The following C13orf42 variants were observed in gnomAD, a reference collection of about 807,000 sequenced individuals.
C13orf42 encodes the protein uncharacterized protein C13orf42.
At chr13:51,141,163 C>T (rs1399589681) in intron 1 of C13orf42, among the ~76,000 whole-genome samples, 1 of 123,014 alleles carries the variant, frequency 8.1e-6, no homozygotes, top group Non-Finnish European at 1.7e-5. Flanking sequence ...TTTAAAAGGC[C>T]TTTGTATTTT....
chr13:51,137,425 G>A (rs533924477), intron 1 of C13orf42, among the ~76,000 whole-genome samples: 1 of 152,228 alleles, frequency 6.6e-6, no homozygotes, highest in African/African-American at 2.4e-5. Context: ...GCTGTGATGA[G>A]GCCACTGGGA....
At chr13:51,163,627 C>T (rs565423938) in intron 1 of C13orf42, among the ~76,000 whole-genome samples, 269 of 152,248 alleles carry the variant, frequency 1.8e-3, no homozygotes, top group African/African-American at 5.7e-3. Context: ...GGGCCTCAAT[C>T]CCCTGTATGA....
At chr13:51,135,461 G>A (rs1953650468) in intron 1 of C13orf42, among the ~76,000 whole-genome samples, 1 of 151,924 alleles carries the variant, frequency 6.6e-6, no homozygotes, top group African/African-American at 2.4e-5. Flanking sequence ...GACCAGCCTG[G>A]GCAACACAGA....
chr13:51,092,360 A>T (rs1953188726), intron 1 of C13orf42, among the ~76,000 whole-genome samples: 1 of 152,216 alleles, frequency 6.6e-6, no homozygotes, highest in Non-Finnish European at 1.5e-5. Context: ...TCTTTTGAAT[A>T]GGATTTATTC....
intron 1 of C13orf42, among the ~76,000 whole-genome samples, chr13:51,088,699 TA>T (rs1379106987): frequency 6.6e-6 from 1 of 152,148 alleles, no homozygotes; most frequent in Non-Finnish European, 1.5e-5. Flanking sequence ...AAATTAAAAA[TA>T]AAAATTTTTT....
Position 51,155,967 on chromosome 13 carries a change from T to G in C13orf42, n.136+16286A>C, listed in dbSNP as rs950476639. Among the ~76,000 whole-genome samples, 5 of 152,318 alleles carry G rather than the reference T, an allele frequency of 3.3e-5. No individual in the cohort carries two copies. The East Asian group carries it at 9.7e-4, about 29-fold the overall frequency. ...CTGGAAAAGTCCTCATTTCAACAGC[T>G]TCCAGACTCCCCTGTGCCTGACATC... On this transcript the variant is annotated intron_variant and non_coding_transcript_variant, in intron 1 of 4. Transcript: ENST00000433280.
chr13:51,084,887 C>T (rs1160384111), intron 3 of C13orf42, among the ~76,000 whole-genome samples: 2 of 152,212 alleles, frequency 1.3e-5, no homozygotes, highest in African/African-American at 4.8e-5. Context: ...CGTTCTACAT[C>T]TTGGAGCCTG....
chr13:51,143,681 A>G (rs1953714024), intron 1 of C13orf42, among the ~76,000 whole-genome samples: 2 of 152,174 alleles, frequency 1.3e-5, no homozygotes. Context: ...CTATTTTGTA[A>G]TATCAAGTGT....
At chr13:51,134,780 G>T (rs1021329474) in intron 1 of C13orf42, among the ~76,000 whole-genome samples, 1 of 152,108 alleles carries the variant, frequency 6.6e-6, no homozygotes, top group Non-Finnish European at 1.5e-5. Flanking sequence ...AGAGGGAAGG[G>T]GTCTTTTGTG....
intron 1 of C13orf42, among the ~76,000 whole-genome samples, chr13:51,120,561 C>CCTT (rs1251041771): frequency 1.3e-5 from 2 of 152,146 alleles, no homozygotes; most frequent in African/African-American, 4.8e-5. Context: ...AGGAGAAATG[C>CCTT]CTTGAGACTG....
At chr13:51,112,361 GGT>G (rs1175591836), upstream of C13orf42, among the ~76,000 whole-genome samples, 1 of 151,856 alleles carries the variant, frequency 6.6e-6, no homozygotes, top group East Asian at 1.9e-4. Context: ...GTGTGTGTGG[GGT>G]GTGTGTGTGT....
In C13orf42 at chr13:51,111,215, T is replaced by G. The variant is rs1282123778; in HGVS notation, c.-6A>C. 1.0e-5 allele frequency: 4 copies of G among 398,508 alleles called. No homozygotes were observed. In the Admixed American group the frequency reaches 1.8e-4, roughly 18 times the overall value. 24.7% of individuals were successfully genotyped at this position (398,508 alleles called of 1,614,324 possible). A position where few individuals can be genotyped will look rare whatever the true frequency, so the allele number is the denominator to read the frequency against. ...GAGTGGATCTTTCTGAACATAGTGC[T>G]CGATTTCTTTCTGTGGGTACCTTCC... On this transcript the variant is annotated 5_prime_UTR_variant, in exon 1 of 4. Coordinates refer to ENST00000563710, the MANE Select transcript of C13orf42 (RefSeq NM_001351589.3).
chr13:51,087,621 A>C (rs1373689785), intron 2 of C13orf42, among the ~76,000 whole-genome samples: 1 of 152,166 alleles, frequency 6.6e-6, no homozygotes, highest in Non-Finnish European at 1.5e-5. Context: ...AGTCTTAGGA[A>C]AGTCCCACCT....
At chr13:51,164,212 A>G (rs969342316) in intron 1 of C13orf42, among the ~76,000 whole-genome samples, 3 of 152,214 alleles carry the variant, frequency 2.0e-5, no homozygotes, top group African/African-American at 7.2e-5. Flanking sequence ...AGTATCTTAG[A>G]CATGTGATCA....
chr13:51,166,591 T>TA (rs5803556), intron 1 of C13orf42, among the ~76,000 whole-genome samples: 35,046 of 141,176 alleles, frequency 0.25, 4,376 homozygotes, highest in Admixed American at 0.33. Context: ...CTTAAAGTAT[T>TA]AAAAAAAAAA....
chr13:51,122,853 A>T (rs1953547837), intron 1 of C13orf42, among the ~76,000 whole-genome samples: 1 of 152,186 alleles, frequency 6.6e-6, no homozygotes, highest in Non-Finnish European at 1.5e-5. Flanking sequence ...AACAATTTTT[A>T]AAACACCCAC....
At chr13:51,167,889 T>C (rs530246837) in intron 1 of C13orf42, among the ~76,000 whole-genome samples, 1 of 152,324 alleles carries the variant, frequency 6.6e-6, no homozygotes, top group Admixed American at 6.5e-5. Context: ...TTGTGGCTTT[T>C]ACCTTTAATC....
At chr13:51,138,235 C>G (rs1435778425) in intron 1 of C13orf42, among the ~76,000 whole-genome samples, 2 of 152,208 alleles carry the variant, frequency 1.3e-5, no homozygotes, top group African/African-American at 4.8e-5. Context: ...GTTATCAGCA[C>G]CCACTGCTGT....
At position 51,084,216 on chromosome 13, in the gene C13orf42, C is replaced by T; in HGVS notation, c.913G>A (p.Glu305Lys). 1 of 398,706 alleles carries T rather than the reference C, an allele frequency of 2.5e-6. No individual in the cohort carries two copies. The highest frequency in any genetic ancestry group is 4.4e-6 in the Non-Finnish European group (1 of 226,114). The allele number at this position is 398,706 out of a possible 1,614,324, so 24.7% of individuals were successfully genotyped here. A position where few individuals can be genotyped will look rare whatever the true frequency, so the allele number is the denominator to read the frequency against. ...PQLSPGEDYYETENPKGQWLL... is the reference protein window; with the variant it reads ...PQLSPGEDYYKTENPKGQWLL... ...CACTGTCCTTTGGGGTTCTCTGTCT[C>T]ATAGTAGTCCTCCCCAGGAGACAAC... is the stretch of plus-strand genomic sequence containing the variant. Residue 305 changes from glutamate (E) to lysine (K), a missense_variant, in exon 4 of 4, where the codon GAG becomes AAG. Physicochemically the swap from Glu to Lys is moderately conservative, Grantham distance 56. Transcript: ENST00000563710.
Sources: gnomAD v4.1 joint callset for allele counts (sites outside exome capture counted in the v4.1 genomes callset) on GRCh38, gnomAD v4.1.1 for gene constraint, MANE v1.5 for transcripts, NCBI Gene and HGNC (gene_info 2026-07-23, HGNC 2026-07-21) for gene names.